Variants in ZCWPW2 observed in about 807,000 individuals in gnomAD.
ZCWPW2 encodes zinc finger CW-type PWWP domain protein 2.
In ZCWPW2, 45 loss-of-function variants were observed where a neutral mutation model predicts 46.6. The ratio of observed to expected loss-of-function variants is 0.96; its 90% CI spans 0.76 to 1.24. The LOEUF is 1.24. ZCWPW2 is among the 50% of genes most tolerant of loss of function. The pLI is 0.00. For synonymous variants in ZCWPW2, 152 were observed against 137.1 expected (o/e 1.11, Z -0.76); for missense variants, 429 against 403.9 (o/e 1.06, Z -0.53).
At chr3:28,471,165 C>A (rs941467826) in intron 4 of ZCWPW2, among the ~76,000 whole-genome samples, 1 of 152,080 alleles carries the variant, frequency 6.6e-6, no homozygotes. Flanking sequence ...CTGCTGAATT[C>A]TATGAAACGT....
chr3:28,363,868 C>T (rs929809113), intron 1 of ZCWPW2, among the ~76,000 whole-genome samples: 3 of 152,180 alleles, frequency 2.0e-5, no homozygotes, highest in African/African-American at 7.2e-5. Flanking sequence ...CCTACTCCTT[C>T]CTCATCTAGC....
At chr3:28,520,296 G>A (rs1700689751) in intron 8 of ZCWPW2, among the ~76,000 whole-genome samples, 1 of 151,990 alleles carries the variant, frequency 6.6e-6, no homozygotes, top group Non-Finnish European at 1.5e-5. Flanking sequence ...GCATGTCACA[G>A]TGACACAAAA....
chr3:28,467,412 T>A (rs1575168866), intron 4 of ZCWPW2, among the ~76,000 whole-genome samples: 2 of 152,184 alleles, frequency 1.3e-5, no homozygotes, highest in East Asian at 3.9e-4. Context: ...ACTTGAATCA[T>A]CATTCCATAT....
intron 6 of ZCWPW2, among the ~76,000 whole-genome samples, chr3:28,496,982 G>A (rs980458621): frequency 1.0e-4 from 15 of 150,096 alleles, no homozygotes; most frequent in East Asian, 9.8e-4. Flanking sequence ...ATATAAATAC[G>A]TAAGTACTTA....
intron 4 of ZCWPW2, among the ~76,000 whole-genome samples, chr3:28,469,224 T>G (rs1162326877): frequency 6.6e-6 from 1 of 151,784 alleles, no homozygotes; most frequent in Non-Finnish European, 1.5e-5. Context: ...ATACAACAGG[T>G]ACACAAATTA....
At chr3:28,492,264 C>A in intron 6 of ZCWPW2, 91 bp downstream of exon 6, 2 of 1,139,102 alleles carry the variant, frequency 1.8e-6, no homozygotes, top group Non-Finnish European at 2.4e-6. Context: ...TAAAAACAAA[C>A]AATGACATAC....
intron 4 of ZCWPW2, among the ~76,000 whole-genome samples, chr3:28,440,437 C>A (rs1267539618): frequency 6.6e-6 from 1 of 152,156 alleles, no homozygotes; most frequent in African/African-American, 2.4e-5. Context: ...GATGCCACTT[C>A]CATTTCTACC....
chr3:28,385,995 A>T (rs1478852452), intron 1 of ZCWPW2, among the ~76,000 whole-genome samples: 6 of 147,510 alleles, frequency 4.1e-5, no homozygotes, highest in African/African-American at 1.5e-4. Context: ...TTTTGTTTCT[A>T]TAGTTATATT....
intron 1 of ZCWPW2, among the ~76,000 whole-genome samples, chr3:28,361,948 G>T (rs1463737285): frequency 6.6e-6 from 1 of 152,110 alleles, no homozygotes; most frequent in African/African-American, 2.4e-5. Flanking sequence ...TGTAGCTGCT[G>T]TGGAAAATGT....
At chr3:28,399,613 T>G (rs1695844725) in intron 2 of ZCWPW2, among the ~76,000 whole-genome samples, 1 of 152,234 alleles carries the variant, frequency 6.6e-6, no homozygotes, top group Non-Finnish European at 1.5e-5. Context: ...CAGGATTCTG[T>G]GCAGACAACC....
chr3:28,389,170 C>T (rs1487105070), intron 1 of ZCWPW2, among the ~76,000 whole-genome samples: 2 of 152,108 alleles, frequency 1.3e-5, no homozygotes, highest in Non-Finnish European at 2.9e-5. Flanking sequence ...AAAAATGTTA[C>T]TAGTGGGCCA....
chr3:28,508,091 A>C (rs1252171236), intron 6 of ZCWPW2, among the ~76,000 whole-genome samples: 5 of 152,084 alleles, frequency 3.3e-5, no homozygotes, highest in African/African-American at 1.2e-4. Flanking sequence ...GCTTCCACTC[A>C]TGATAGAAGG....
chr3:28,368,982 G>A (rs1705218136), intron 1 of ZCWPW2, among the ~76,000 whole-genome samples: 1 of 152,108 alleles, frequency 6.6e-6, no homozygotes. Flanking sequence ...TCATCACGTA[G>A]TTCTCGTGCC....
chr3:28,442,398 A>G (rs929872248), intron 4 of ZCWPW2, among the ~76,000 whole-genome samples: 2 of 151,974 alleles, frequency 1.3e-5, no homozygotes, highest in Admixed American at 1.3e-4. Flanking sequence ...CAATAAGTCC[A>G]GTGTGTTTGC....
At chr3:28,374,328 C>G (rs1705433367) in intron 1 of ZCWPW2, among the ~76,000 whole-genome samples, 1 of 152,070 alleles carries the variant, frequency 6.6e-6, no homozygotes, top group African/African-American at 2.4e-5. Flanking sequence ...TCTGTGTTCT[C>G]TATTCTGTTT....
chr3:28,350,564 T>C (rs1435373956), intron 1 of ZCWPW2, among the ~76,000 whole-genome samples: 1 of 152,180 alleles, frequency 6.6e-6, no homozygotes, highest in Non-Finnish European at 1.5e-5. Flanking sequence ...AAGTAAAACA[T>C]CTTAGTTTTT....
chr3:28,373,619 G>T (rs1369021231), intron 1 of ZCWPW2, among the ~76,000 whole-genome samples: 1 of 152,132 alleles, frequency 6.6e-6, no homozygotes, highest in East Asian at 1.9e-4. Flanking sequence ...GGGATTACAG[G>T]TGTGCACCAC....
intron 4 of ZCWPW2, among the ~76,000 whole-genome samples, chr3:28,456,705 C>T (rs1467301301): frequency 1.3e-5 from 2 of 152,048 alleles, no homozygotes; most frequent in African/African-American, 2.4e-5. Context: ...TATCAAAGGT[C>T]TTGTCTGCAT....
At chr3:28,404,327 G>A (rs998748364) in intron 2 of ZCWPW2, among the ~76,000 whole-genome samples, 5 of 148,690 alleles carry the variant, frequency 3.4e-5, no homozygotes, top group South Asian at 2.1e-4. Context: ...ACCACAATGC[G>A]ATACCACCTT....
Sources: gnomAD v4.1 joint callset for allele counts (sites outside exome capture counted in the v4.1 genomes callset) on GRCh38, gnomAD v4.1.1 for gene constraint, MANE v1.5 for transcripts, NCBI Gene and HGNC (gene_info 2026-07-23, HGNC 2026-07-21) for gene names.